Variants in PADI1 observed in about 807,000 individuals in gnomAD.
PADI1 encodes the protein protein-arginine deiminase type-1.
A neutral mutation model predicts 74.8 loss-of-function variants in PADI1; 65 were observed. The observed-to-expected ratio is 0.87, with a 90% CI of 0.71 to 1.07. The LOEUF (loss-of-function observed/expected upper bound fraction) is 1.07. Among genes scored for constraint, PADI1 ranks in the 50% least tolerant of loss-of-function variants. The pLI, the probability that PADI1 is intolerant of heterozygous loss-of-function variation, is 0.00. For synonymous variants in PADI1, 371 were observed against 336.2 expected (o/e 1.10, Z -1.13); for missense variants, 943 against 854.0 (o/e 1.10, Z -1.30).
chr1:17,223,665 C>T lies in PADI1; in HGVS notation c.318C>T (p.Gly106=), dbSNP rs777876935. The change falls in exon 3 of 16, where the codon GGC becomes GGT. Residue 106 remains glycine (G), a synonymous_variant. Transcript: ENST00000375471. ...GGGAGCAGGAAGACCAAGCTCTGGG[C>T]CGCAGCGTGCTTTACCTCACTGGCG... is the stretch of plus-strand genomic sequence containing the variant. ...YFGEQEDQAL[G]RSVLYLTGVD... 1.2e-6 allele frequency: 2 copies of T among 1,614,100 alleles called. No individual in the cohort carries two copies.
chr1:17,235,413 C>G (rs1161461763), intron 11 of PADI1, among the ~76,000 whole-genome samples: 1 of 152,062 alleles, frequency 6.6e-6, no homozygotes. Context: ...CGAAAAAACT[C>G]GGTATGGGTG....
chr1:17,241,910 G>T lies in PADI1; in HGVS notation c.1758+1150G>T, dbSNP rs933989275. 3.3e-5 allele frequency among the ~76,000 whole-genome samples: 5 copies of T among 149,920 alleles called. No individual in the cohort carries two copies. In the East Asian group the frequency reaches 5.8e-4, roughly 17 times the overall value. The stretch of plus-strand genomic sequence containing the variant: ...GGGTTGCAAGTGAATGTCGGAATCG[G>T]CATGGAATCAGGGTTGGAAGTGAAT... On this transcript the variant is annotated intron_variant, in intron 15 of 15. Coordinates refer to ENST00000375471, the MANE Select transcript of PADI1 (RefSeq NM_013358.3).
chr1:17,216,808 T>A (rs1466296701), intron 1 of PADI1, among the ~76,000 whole-genome samples: 1 of 152,048 alleles, frequency 6.6e-6, no homozygotes, highest in Non-Finnish European at 1.5e-5. Context: ...AGGCAGAGGT[T>A]GCAGTGAGCT....
chr1:17,228,984 G>A lies in PADI1; in HGVS notation c.862G>A (p.Gly288Ser). ...GGTGACCCTCTTCACAGACACTGTG[G>A]GCTTCCGCATGGCCCCCTGGATCAT... is the stretch of plus-strand genomic sequence containing the variant. The part of the protein sequence containing the change: ...PEVTLFTDTV[G>S]FRMAPWIMTP... Residue 288 changes from glycine to serine, a missense_variant, in exon 8 of 16, where the codon GGC becomes AGC. By Grantham distance (56) the Gly-to-Ser change is moderately conservative. Coordinates refer to ENST00000375471, the MANE Select transcript of PADI1 (RefSeq NM_013358.3). 1 of 1,599,118 alleles carries A rather than the reference G, an allele frequency of 6.3e-7. No individual in the cohort carries two copies. Among genetic ancestry groups the A allele is most frequent in the Non-Finnish European group, 8.5e-7 (1 of 1,172,126 alleles).
intron 1 of PADI1, among the ~76,000 whole-genome samples, chr1:17,206,892 G>T (rs1279379112): frequency 6.6e-6 from 1 of 151,972 alleles, no homozygotes; most frequent in East Asian, 1.9e-4. Flanking sequence ...TGTTGGTCAG[G>T]CTGGTCTCAA....
chr1:17,225,063 CA>C (rs1261126574), intron 4 of PADI1, among the ~76,000 whole-genome samples: 3 of 152,092 alleles, frequency 2.0e-5, no homozygotes, highest in Non-Finnish European at 4.4e-5. Flanking sequence ...AACTATGATA[CA>C]AATCATGTCT....
chr1:17,227,577 A>AT (rs2072357746), intron 6 of PADI1, among the ~76,000 whole-genome samples: 5 of 136,942 alleles, frequency 3.7e-5, no homozygotes, highest in African/African-American at 1.0e-4. Context: ...AAATAAATAA[A>AT]TAAATTACCA....
At chr1:17,239,556 GT>G (rs1355156481) in intron 13 of PADI1, 147 bp from the exon 14 acceptor site, 1 of 643,724 alleles carries the variant, frequency 1.6e-6, no homozygotes, top group African/African-American at 1.8e-5. Context: ...CCCTTCAGGG[GT>G]TCTCAGTCTC....
intron 1 of PADI1, among the ~76,000 whole-genome samples, chr1:17,220,055 T>C (rs1328862289): frequency 2.0e-5 from 3 of 151,494 alleles, no homozygotes; most frequent in Non-Finnish European, 2.9e-5. Context: ...ATGTAAACGA[T>C]GAGGAAGAGC....
intron 1 of PADI1, among the ~76,000 whole-genome samples, chr1:17,215,820 GA>G (rs972128103): frequency 2.0e-5 from 3 of 152,176 alleles, no homozygotes; most frequent in East Asian, 3.9e-4. Flanking sequence ...GCATAAAACA[GA>G]AAAAAAATCT....
chr1:17,231,182 T>C (rs1292271679), intron 10 of PADI1, among the ~76,000 whole-genome samples: 1 of 152,170 alleles, frequency 6.6e-6, no homozygotes, highest in Non-Finnish European at 1.5e-5. Flanking sequence ...CCAGGCACTG[T>C]CTCCTAGCTT....
At chr1:17,217,265 C>T (rs2072005035) in intron 1 of PADI1, among the ~76,000 whole-genome samples, 1 of 152,152 alleles carries the variant, frequency 6.6e-6, no homozygotes, top group East Asian at 1.9e-4. Flanking sequence ...GCTGAAACTC[C>T]ATGGATCACC....
rs1221808293 is a variant in PADI1, at chr1:17,238,689, G to A, written c.1532G>A (p.Gly511Glu). The A allele has an allele frequency of 6.5e-7, 1 of 1,539,654 alleles. No homozygotes were observed. The change falls in exon 13 of 16, where the codon GGG becomes GAG. Residue 511 changes from glycine to glutamate, a missense_variant. By Grantham distance (98) the Gly-to-Glu change is moderately conservative. Coordinates refer to ENST00000375471, the MANE Select transcript of PADI1 (RefSeq NM_013358.3). ...CAAGAGAAGAAAGAAGAGGGTTATG[G>A]GGAGGCAGCCCAGTTTGATGGTGAG... is the stretch of plus-strand genomic sequence containing the variant. ...LFQEKKEEGY[G>E]EAAQFDGLKH...
intron 1 of PADI1, among the ~76,000 whole-genome samples, chr1:17,216,875 A>T (rs971896188): frequency 1.3e-5 from 2 of 152,254 alleles, no homozygotes; most frequent in Admixed American, 1.3e-4. Flanking sequence ...GTCTCAAAAA[A>T]TAAAAAATAA....
Position 17,230,228 on chromosome 1 carries a change from C to G in PADI1, c.1053+20C>G. 6.2e-7 allele frequency: 1 copy of G among 1,609,044 alleles called. No individual in the cohort carries two copies. The highest frequency in any genetic ancestry group is 8.5e-7 in the Non-Finnish European group (1 of 1,177,696). On this transcript the variant is annotated intron_variant, in intron 9 of 15. Coordinates refer to ENST00000375471, the MANE Select transcript of PADI1 (RefSeq NM_013358.3). ...ATCCAGGTGGGAGCTGGGGGCAGCT[C>G]GGGAAGCCTGCAGCCTGGCTTGGGG...
At chr1:17,216,794 C>T in intron 1 of PADI1, among the ~76,000 whole-genome samples, 1 of 152,030 alleles carries the variant, frequency 6.6e-6, no homozygotes, top group East Asian at 1.9e-4. Context: ...CGCTTGAACC[C>T]AGGAGGCAGA....
Position 17,225,881 on chromosome 1 carries a change from G to A in PADI1, c.479G>A (p.Arg160Lys). The change falls in exon 5 of 16, where the codon AGG becomes AAG. Residue 160 changes from arginine to lysine, a missense_variant. Physicochemically the swap from Arg to Lys is conservative, Grantham distance 26. Coordinates refer to ENST00000375471, the MANE Select transcript of PADI1 (RefSeq NM_013358.3). ...LLVNCDRDNH[R>K]SAEPDLTHSW... ...GTGAACTGTGACCGGGACAATCACA[G>A]GTCCGCAGAGCCTGACCTCACCCAC... The A allele has an allele frequency of 6.2e-7, 1 of 1,614,118 alleles. No homozygotes were observed. Among genetic ancestry groups the A allele is most frequent in the Non-Finnish European group, 8.5e-7 (1 of 1,180,018 alleles).
In PADI1 at chr1:17,238,487, C is replaced by T. The variant is rs147468078; in HGVS notation, c.1459-129C>T. ...GAGAGTTGCAGACAGTGCTTTGTGG[C>T]TGGGGTGTAGACCGAGTGGGAGAGG... On this transcript the variant is annotated intron_variant, in intron 12 of 15. Transcript: ENST00000375471. 1.2e-4 allele frequency: 50 copies of T among 427,642 alleles called. No homozygotes were observed. The East Asian group carries it at 1.7e-3, about 15-fold the overall frequency. The allele number at this position is 427,642 out of a possible 1,614,324, so 26.5% of individuals were successfully genotyped here. A position where few individuals can be genotyped will look rare whatever the true frequency, so the allele number is the denominator to read the frequency against.
In PADI1 at chr1:17,205,308, A is replaced by T. The variant is rs1390990592; in HGVS notation, c.91A>T (p.Ser31Cys). ...VGVEAHVDIH[S>C]DVPKGANSFR... ...AGTCGAGGCACATGTGGACATTCACAGGTAAGAGCTGGGAGGCGCTCTCCT... is the reference window on the plus strand; with the variant it reads ...AGTCGAGGCACATGTGGACATTCACTGGTAAGAGCTGGGAGGCGCTCTCCT... The change falls in exon 1 of 16, where the codon AGT becomes TGT. Residue 31 changes from serine (S) to cysteine (C), a missense_variant and splice_region_variant. Physicochemically the swap from Ser to Cys is moderately radical, Grantham distance 112 (BLOSUM62 -1). Transcript: ENST00000375471. 3 of 1,613,036 alleles carry T rather than the reference A, an allele frequency of 1.9e-6. No homozygotes were observed. In the East Asian group the frequency reaches 6.7e-5, roughly 36 times the overall value.
Sources: allele counts gnomAD v4.1 joint callset (sites outside exome capture counted in the v4.1 genomes callset), GRCh38; gene constraint gnomAD v4.1.1; transcripts MANE v1.5; gene names NCBI Gene and HGNC (gene_info 2026-07-23, HGNC 2026-07-21).